GAB2: variants seen among roughly 807,000 people sequenced by gnomAD.
GAB2 encodes GRB2-associated-binding protein 2.
Under a neutral mutation model 65.5 loss-of-function variants are expected in GAB2, and 26 were observed. The ratio of observed to expected loss-of-function variants is 0.40; its 90% CI spans 0.29 to 0.55. The LOEUF (loss-of-function observed/expected upper bound fraction) is 0.55. Among genes scored for constraint, GAB2 ranks in the 20% least tolerant of loss-of-function variants. GAB2 has a pLI of 0.53. For synonymous variants in GAB2, 321 were observed against 329.6 expected (o/e 0.97, Z 0.28); for missense variants, 884 against 875.8 (o/e 1.01, Z -0.12).
At chr11:78,299,848 A>G (rs1204526135) in intron 1 of GAB2, among the ~76,000 whole-genome samples, 21 of 152,224 alleles carry the variant, frequency 1.4e-4, no homozygotes, top group Admixed American at 1.2e-3. Context: ...TCTAGGAGCT[A>G]TTGGAAAGGC....
At chr11:78,389,834 T>C (rs1018118953) in intron 1 of GAB2, among the ~76,000 whole-genome samples, 41 of 152,322 alleles carry the variant, frequency 2.7e-4, no homozygotes, top group Admixed American at 2.2e-3. Flanking sequence ...ACCAATATCA[T>C]CAGTTTACTA....
chr11:78,309,014 C>T (rs575127200), intron 1 of GAB2, among the ~76,000 whole-genome samples: 14 of 152,224 alleles, frequency 9.2e-5, no homozygotes, highest in African/African-American at 3.4e-4. Flanking sequence ...CACGACAGTA[C>T]AGGCAAGGGA....
intron 1 of GAB2, among the ~76,000 whole-genome samples, chr11:78,382,065 T>C (rs917777259): frequency 6.6e-6 from 1 of 152,214 alleles, no homozygotes; most frequent in Non-Finnish European, 1.5e-5. Context: ...AGACCTTTGT[T>C]CTCTTCTTCT....
At chr11:78,263,669 T>C (rs565354289) in intron 2 of GAB2, among the ~76,000 whole-genome samples, 3 of 151,622 alleles carry the variant, frequency 2.0e-5, no homozygotes, top group Non-Finnish European at 4.4e-5. Flanking sequence ...CAGTCTAATA[T>C]GGTAAACTTG....
intron 1 of GAB2, among the ~76,000 whole-genome samples, chr11:78,302,874 T>G (rs1867069768): frequency 6.6e-6 from 1 of 152,176 alleles, no homozygotes; most frequent in African/African-American, 2.4e-5. Flanking sequence ...TAAAAAGGAA[T>G]GAATTAATGG....
At chr11:78,307,762 A>G (rs1855401191) in intron 1 of GAB2, among the ~76,000 whole-genome samples, 1 of 152,214 alleles carries the variant, frequency 6.6e-6, no homozygotes, top group South Asian at 2.1e-4. Flanking sequence ...TGTATGAGTT[A>G]TTTTTTAATA....
rs1322018907 is a variant in GAB2 at position 78,250,324 on chromosome 11, G to T, written c.453C>A (p.His151Gln). 9 of 1,613,652 alleles carry T rather than the reference G, an allele frequency of 5.6e-6. No homozygotes were observed. The highest frequency in any genetic ancestry group is 7.6e-6 in the Non-Finnish European group (9 of 1,179,950). ...CTGAGGACTTGCGCTCTCGGAGAAG[G>T]TGCTGGCTAGAGCTGCTGAGCTCAG... ...SPAELSSSSQ[H>Q]LLRERKSSAP... The change falls in exon 3 of 10, where the codon CAC becomes CAA. Residue 151 changes from histidine (H) to glutamine (Q), a missense_variant. His to Gln is a conservative substitution (Grantham distance 24). Transcript: ENST00000361507.
At chr11:78,281,581 A>C (rs1231910920) in intron 1 of GAB2, among the ~76,000 whole-genome samples, 1 of 152,208 alleles carries the variant, frequency 6.6e-6, no homozygotes, top group East Asian at 1.9e-4. Flanking sequence ...CAGATATCAT[A>C]GGTTAAAGAC....
At chr11:78,342,462 T>C (rs182083610) in intron 1 of GAB2, among the ~76,000 whole-genome samples, 1,501 of 141,972 alleles carry the variant, frequency 0.011, 15 homozygotes, top group Middle Eastern at 0.05. Flanking sequence ...CAGGCTGGAG[T>C]GCAGTGGCAC....
chr11:78,253,187 T>C (rs1865505408), intron 2 of GAB2, among the ~76,000 whole-genome samples: 1 of 151,948 alleles, frequency 6.6e-6, no homozygotes, highest in African/African-American at 2.4e-5. Flanking sequence ...ATTTTTGTAT[T>C]TTTAGTAGAG....
rs572488029 is a variant in GAB2, at chr11:78,254,654, C to G, written c.377-4254G>C. 6.2e-4 allele frequency among the ~76,000 whole-genome samples: 94 copies of G among 152,134 alleles called. No homozygotes were observed. In the South Asian group the frequency reaches 0.019, roughly 30 times the overall value. ...TCTCTATCAAAAATTAAAAAATTAA[C>G]TGGGCGTGGTGGTGTGTGCCTGTAG... On this transcript the variant is annotated intron_variant, in intron 2 of 9. Coordinates refer to ENST00000361507, the MANE Select transcript of GAB2 (RefSeq NM_080491.3).
intron 1 of GAB2, among the ~76,000 whole-genome samples, chr11:78,330,819 A>G (rs921219715): frequency 2.6e-5 from 4 of 151,790 alleles, no homozygotes; most frequent in Non-Finnish European, 5.9e-5. Flanking sequence ...GGAACTGTGG[A>G]ACACCCTATG....
intron 1 of GAB2, among the ~76,000 whole-genome samples, chr11:78,372,902 T>C (rs1856589808): frequency 6.6e-6 from 1 of 152,180 alleles, no homozygotes; most frequent in Admixed American, 6.5e-5. Flanking sequence ...ATTAAGAAGA[T>C]TCAGCGTGTC....
intron 1 of GAB2, among the ~76,000 whole-genome samples, chr11:78,373,238 CTT>C (rs535640025): frequency 1.7e-4 from 23 of 136,076 alleles, no homozygotes; most frequent in Non-Finnish European, 1.6e-4. Context: ...ATTATAATGA[CTT>C]TTTTTTTTTT....
At chr11:78,231,848 T>A (rs1412484111) in intron 3 of GAB2, 4 of 152,258 alleles carry the variant, frequency 2.6e-5, no homozygotes, top group Non-Finnish European at 5.9e-5. Flanking sequence ...AAGGGTGACT[T>A]AATATAAAAT....
chr11:78,391,540 A>G (rs1565182627), intron 1 of GAB2, among the ~76,000 whole-genome samples: 1 of 152,216 alleles, frequency 6.6e-6, no homozygotes. Context: ...GCACCATGTA[A>G]GCAGTCTGAT....
chr11:78,359,638 A>G (rs1856407320), intron 1 of GAB2, among the ~76,000 whole-genome samples: 1 of 152,250 alleles, frequency 6.6e-6, no homozygotes, highest in African/African-American at 2.4e-5. Flanking sequence ...GAGCACAGAT[A>G]TTGATAAATA....
At chr11:78,404,450 G>A (rs937246160) in intron 1 of GAB2, among the ~76,000 whole-genome samples, 2 of 152,266 alleles carry the variant, frequency 1.3e-5, no homozygotes, top group Non-Finnish European at 2.9e-5. Context: ...AGGAGGATGA[G>A]GTGGCAGGAT....
chr11:78,256,374 G>A (rs1027211984), intron 2 of GAB2, among the ~76,000 whole-genome samples: 2 of 152,182 alleles, frequency 1.3e-5, no homozygotes, highest in Admixed American at 6.5e-5. Context: ...GCTTCCCAGG[G>A]GTGATTGTGG....
Sources: gnomAD v4.1 joint callset for allele counts (sites outside exome capture counted in the v4.1 genomes callset) on GRCh38, gnomAD v4.1.1 for gene constraint, MANE v1.5 for transcripts, NCBI Gene and HGNC (gene_info 2026-07-23, HGNC 2026-07-21) for gene names.